Variants in SPOCD1 observed in about 807,000 individuals in gnomAD.
SPOCD1 encodes the protein SPOC domain-containing protein 1.
Under a neutral mutation model 92.2 loss-of-function variants are expected in SPOCD1, and 64 were observed. That is an observed-to-expected ratio of 0.69 (90% CI 0.57 to 0.86). SPOCD1 has a LOEUF of 0.86. Ranked by LOEUF, SPOCD1 falls within the 40% of genes least tolerant of loss-of-function variation. SPOCD1 has a pLI of 0.00. For synonymous variants in SPOCD1, 578 were observed against 619.3 expected (o/e 0.93, Z 0.99); for missense variants, 1,360 against 1,543.1 (o/e 0.88, Z 1.99).
Position 31,798,920 on chromosome 1 carries a change from G to A in SPOCD1, c.1869-319C>T, listed in dbSNP as rs1402793136. 1.8e-6 allele frequency: 1 copy of A among 562,134 alleles called. No individual in the cohort carries two copies. The highest frequency in any genetic ancestry group is 3.1e-6 in the Non-Finnish European group (1 of 319,262). The allele number at this position is 562,134 out of a possible 1,614,324, so 34.8% of individuals were successfully genotyped here. On this transcript the variant is annotated intron_variant, in intron 7 of 15. Transcript: ENST00000360482. This position sits in a 1 kb window ranked among gnomAD's most constrained non-coding sequence, Gnocchi z 4.1. ...GTGCCCCGTCTCTGGCTCACGGGAT[G>A]TGTGGAGGGGAGGAAGCCGGGGTCA...
chr1:31,801,212 C>G (rs1207502186), intron 3 of SPOCD1, among the ~76,000 whole-genome samples: 1 of 152,186 alleles, frequency 6.6e-6, no homozygotes, highest in Non-Finnish European at 1.5e-5. Context: ...GAATCTGTCC[C>G]GCTCGGCTTT....
chr1:31,797,615 C>A (rs1048250869), intron 9 of SPOCD1, among the ~76,000 whole-genome samples: 4 of 152,212 alleles, frequency 2.6e-5, no homozygotes, highest in African/African-American at 9.6e-5. Flanking sequence ...TGGAGTGCCT[C>A]GCCCCATCCC....
chr1:31,802,371 C>T (rs893617286), intron 2 of SPOCD1, among the ~76,000 whole-genome samples: 24 of 152,038 alleles, frequency 1.6e-4, no homozygotes, highest in African/African-American at 5.6e-4. Context: ...TATTTCTATC[C>T]CCATTTTACA....
In SPOCD1 at chr1:31,800,314, T is replaced by C. The variant is rs1570171791; in HGVS notation, c.1602+127A>G. 1.7e-5 allele frequency: 24 copies of C among 1,419,420 alleles called. No homozygotes were observed. In the East Asian group the frequency reaches 6.0e-4, roughly 36 times the overall value. The allele number at this position is 1,419,420 out of a possible 1,614,324, so 87.9% of individuals were successfully genotyped here. A position where few individuals can be genotyped will look rare whatever the true frequency, so the allele number is the denominator to read the frequency against. On this transcript the variant is annotated intron_variant, in intron 4 of 15. Coordinates refer to ENST00000360482, the MANE Select transcript of SPOCD1 (RefSeq NM_144569.7). The stretch of plus-strand genomic sequence containing the variant: ...AGCCATGCAGGCTGGGGCCGAACCC[T>C]GCCTCTGGCTATTCTGAATGACCGC...
At position 31,814,105 on chromosome 1, in the gene SPOCD1, G is replaced by A; in HGVS notation, c.1229C>T (p.Ser410Leu). The A allele has an allele frequency of 6.2e-7, 1 of 1,611,910 alleles. No homozygotes were observed. The highest frequency in any genetic ancestry group is 1.3e-5 in the African/African-American group (1 of 75,040). The stretch of plus-strand genomic sequence containing the variant: ...TCTTCTCTGCTCCATGAATGGGCCT[G>A]AGCAGGCCCTGCTGGCTTCAGTATC... ...SLDTEASRAC[S>L]GPFMEQRRSK... Residue 410 changes from serine to leucine, a missense_variant, in exon 2 of 16, where the codon TCA (serine) becomes TTA (leucine). By Grantham distance (145) the Ser-to-Leu change is moderately radical. Coordinates refer to ENST00000360482, the MANE Select transcript of SPOCD1 (RefSeq NM_144569.7). The surrounding 1 kb of genome is among the most constrained non-coding windows in gnomAD (Gnocchi z 4.2).
At position 31,792,615 on chromosome 1, in the gene SPOCD1, G is replaced by C. The variant is rs1647680712; in HGVS notation, c.2775+63C>G. The C allele has an allele frequency of 9.5e-6, 13 of 1,370,102 alleles. No homozygotes were observed. In the South Asian group the frequency reaches 1.8e-4, roughly 19 times the overall value. The allele number at this position is 1,370,102 out of a possible 1,614,324, so 84.9% of individuals were successfully genotyped here. The stretch of plus-strand genomic sequence containing the variant: ...TCCAAGCCAGGCCTCTGCTCTAGAA[G>C]TGGAGAGGGAGGTGGGAGTAAGGTA... On this transcript the variant is annotated intron_variant, in intron 14 of 15. Transcript: ENST00000360482.
chr1:31,796,241 G>A (rs1291318675), intron 10 of SPOCD1: 3 of 381,098 alleles, frequency 7.9e-6, no homozygotes, highest in African/African-American at 2.1e-5. Flanking sequence ...ATCTGAAAAA[G>A]TCACTGCCTG....
chr1:31,796,441 C>T (rs556445078), intron 10 of SPOCD1, 149 bp downstream of exon 10: 14 of 1,213,130 alleles, frequency 1.2e-5, no homozygotes, highest in African/African-American at 3.0e-5. Flanking sequence ...TTCCCCTATG[C>T]GTTAAGGATC....
At chr1:31,800,729 C>T in intron 3 of SPOCD1, 112 bp from the exon 4 acceptor site, 1 of 967,204 alleles carries the variant, frequency 1.0e-6, no homozygotes. Context: ...GGAGTGTAAG[C>T]TCCGTGAGGA....
chr1:31,790,575 A>G lies in SPOCD1; in HGVS notation c.*28T>C. The stretch of plus-strand genomic sequence containing the variant: ...GGCTTCAACACTAGTGAGGGCATCA[A>G]AACCCCTGTTCTGGTGGGTAAGGAG... On this transcript the variant is annotated 3_prime_UTR_variant, in exon 16 of 16. Coordinates refer to ENST00000360482, the MANE Select transcript of SPOCD1 (RefSeq NM_144569.7). 9 of 1,545,672 alleles carry G rather than the reference A, an allele frequency of 5.8e-6. No individual in the cohort carries two copies. The highest frequency in any genetic ancestry group is 7.9e-6 in the Non-Finnish European group (9 of 1,142,544).
intron 15 of SPOCD1, 65 bp from the exon 16 acceptor site, chr1:31,791,356 T>G: frequency 7.6e-7 from 1 of 1,312,622 alleles, no homozygotes; most frequent in Non-Finnish European, 1.0e-6. Flanking sequence ...CAGGAAGGGC[T>G]TCTTCACAGT....
intron 5 of SPOCD1, 64 bp from the exon 6 acceptor site, chr1:31,799,927 C>A (rs1648320566): frequency 1.2e-6 from 2 of 1,613,352 alleles, no homozygotes; most frequent in African/African-American, 2.7e-5. Flanking sequence ...CCAGGGGACA[C>A]TGCTTCCTCT....
In SPOCD1 at chr1:31,796,648, T is replaced by C. The variant is rs1250008487; in HGVS notation, c.2213A>G (p.Lys738Arg). 4 of 1,614,086 alleles carry C rather than the reference T, an allele frequency of 2.5e-6. No homozygotes were observed. The highest frequency in any genetic ancestry group is 2.5e-6 in the Non-Finnish European group (3 of 1,180,036). ...GTCCCGCTGAATCTCCACTTCGCCCTTGTGGGTCATTTTGGAGGCTGGAAG... is the reference window on the plus strand; with the variant it reads ...GTCCCGCTGAATCTCCACTTCGCCCCTGTGGGTCATTTTGGAGGCTGGAAG... ...CRLPASKMTHKGEVEIQRDMD... is the reference protein window; with the variant it reads ...CRLPASKMTHRGEVEIQRDMD... The change falls in exon 10 of 16, where the codon AAG becomes AGG. Residue 738 changes from lysine (K) to arginine (R), a missense_variant. This residue lies in a region of SPOCD1 where 614 missense variants were observed against 757.8 expected (regional missense o/e 0.81). Coordinates refer to ENST00000360482, the MANE Select transcript of SPOCD1 (RefSeq NM_144569.7).
chr1:31,795,817 C>T (rs1228880704), intron 10 of SPOCD1: 2 of 153,332 alleles, frequency 1.3e-5, no homozygotes, highest in East Asian at 1.9e-4. Context: ...AGGGACCTGC[C>T]CTGCACCCCT....
chr1:31,809,797 T>C lies in SPOCD1; in HGVS notation c.1383+4154A>G, dbSNP rs186865535. Among the ~76,000 whole-genome samples the C allele has an allele frequency of 3.9e-5, 6 of 152,282 alleles. No individual in the cohort carries two copies. The East Asian group carries it at 1.2e-3, about 29-fold the overall frequency. The stretch of plus-strand genomic sequence containing the variant: ...GAACAGAAGAAGCTCTCTCTGTAAA[T>C]GCCTGTGTTGATAAAGTTCCTTGGT... On this transcript the variant is annotated intron_variant, in intron 2 of 15. Coordinates refer to ENST00000360482, the MANE Select transcript of SPOCD1 (RefSeq NM_144569.7).
At position 31,798,116 on chromosome 1, in the gene SPOCD1, C is replaced by T. The variant is rs74065945; in HGVS notation, c.2145+91G>A. 1.5e-3 allele frequency: 1,445 copies of T among 952,988 alleles called. 14 individuals are homozygous for T. The African/African-American group carries it at 0.019, about 13-fold the overall frequency. 59.0% of individuals were successfully genotyped at this position (952,988 alleles called of 1,614,324 possible). On this transcript the variant is annotated intron_variant, in intron 9 of 15. Transcript: ENST00000360482. The surrounding 1 kb of genome is among the most constrained non-coding windows in gnomAD (Gnocchi z 4.1). Reference sequence around the variant, plus strand: ...GTCTTTCTGAATTCCTCCTCCCTCCCTCCCTGTCTCTGTCTCTCCCTCTTC... The same window carrying T: ...GTCTTTCTGAATTCCTCCTCCCTCCTTCCCTGTCTCTGTCTCTCCCTCTTC...
At chr1:31,803,480 C>G (rs1648595643) in intron 2 of SPOCD1, among the ~76,000 whole-genome samples, 1 of 151,852 alleles carries the variant, frequency 6.6e-6, no homozygotes, top group Non-Finnish European at 1.5e-5. Flanking sequence ...CGCCTGTAAT[C>G]TCAGCACTTT....
rs748527191 is a variant in SPOCD1 at position 31,813,932 on chromosome 1, A to ACT, written c.1383+17_1383+18dup. Reference sequence around the variant, plus strand: ...CATGGCCAGGCCCTTCCTATCCCAAACTCTCAGACTCAGCTCACCAGTCTG... The same window carrying ACT: ...CATGGCCAGGCCCTTCCTATCCCAAACTCTCTCAGACTCAGCTCACCAGTCTG... On this transcript the variant is annotated intron_variant, in intron 2 of 15. Transcript: ENST00000360482. 1.4e-6 allele frequency: 2 copies of ACT among 1,470,226 alleles called. No homozygotes were observed. Among genetic ancestry groups the ACT allele is most frequent in the South Asian group, 3.2e-5 (2 of 63,036 alleles). 91.1% of individuals were successfully genotyped at this position (1,470,226 alleles called of 1,614,324 possible).
intron 11 of SPOCD1, 71 bp downstream of exon 11, chr1:31,794,053 G>A: frequency 6.5e-7 from 1 of 1,542,856 alleles, no homozygotes. Context: ...ACAAATCCCT[G>A]TTGCTGCTGA....
Sources: gnomAD v4.1 joint callset for allele counts (sites outside exome capture counted in the v4.1 genomes callset) on GRCh38, gnomAD v4.1.1 for gene constraint, gnomAD v4.1.1 regional missense constraint, Gnocchi (gnomAD v3.1) non-coding constraint, MANE v1.5 for transcripts, NCBI Gene and HGNC (gene_info 2026-07-23, HGNC 2026-07-21) for gene names.